GPHN: variants seen among roughly 807,000 people sequenced by gnomAD.
GPHN encodes the protein gephyrin.
Under a neutral mutation model 95.5 loss-of-function variants are expected in GPHN, and 17 were observed. That is an observed-to-expected ratio of 0.18 (90% CI 0.12 to 0.27). The LOEUF (loss-of-function observed/expected upper bound fraction) is 0.27, where lower values mean the gene tolerates loss of function less well. Among genes scored for constraint, GPHN ranks in the 10% least tolerant of loss-of-function variants. The pLI is 1.00. For missense variants in GPHN, 660 were observed against 978.1 expected, an observed-to-expected ratio of 0.67 and a Z score of 4.34; for synonymous variants, 320 against 322.5, an observed-to-expected ratio of 0.99 and a Z score of 0.08.
At chr14:66,943,753 A>G (rs2067566874) in intron 8 of GPHN, among the ~76,000 whole-genome samples, 1 of 152,196 alleles carries the variant, frequency 6.6e-6, no homozygotes, top group African/African-American at 2.4e-5. Context: ...CAACACATAT[A>G]TAACTAAACA....
the GPHN span, chr14:67,563,019 C>A: frequency 1.0e-6 from 1 of 972,622 alleles, no homozygotes; most frequent in Non-Finnish European, 1.5e-6. Context: ...CCCTGGCAGG[C>A]AGGTACCATG....
the GPHN span, among the ~76,000 whole-genome samples, chr14:67,431,834 G>A: frequency 1.3e-5 from 2 of 152,220 alleles, no homozygotes; most frequent in African/African-American, 4.8e-5. Context: ...GGCAGTCAGT[G>A]CCCATACTCT....
the GPHN span, among the ~76,000 whole-genome samples, chr14:67,608,681 A>G: frequency 2.6e-5 from 4 of 152,198 alleles, no homozygotes; most frequent in Admixed American, 6.5e-5. Context: ...GAAACCTCAG[A>G]AATTTATTTG....
chr14:67,001,371 GTTATAATGTCATA>G (rs1244768152), intron 9 of GPHN, among the ~76,000 whole-genome samples: 1 of 151,408 alleles, frequency 6.6e-6, no homozygotes, highest in Non-Finnish European at 1.5e-5. Flanking sequence ...AATATGATAT[GTTATAATGTCATA>G]TTATAATGTG....
chr14:67,684,567 G>A, the GPHN span: 1 of 152,052 alleles, frequency 6.6e-6, no homozygotes, highest in Non-Finnish European at 1.5e-5. Context: ...GAGGACAATA[G>A]AGAAATGCAG....
At chr14:66,711,613 AC>A (rs2069637714) in intron 2 of GPHN, among the ~76,000 whole-genome samples, 1 of 138,680 alleles carries the variant, frequency 7.2e-6, no homozygotes, top group African/African-American at 2.7e-5. Flanking sequence ...TTTAAATTAT[AC>A]TTTAAGTTCT....
rs140074586 is a variant in GPHN at position 67,084,064 on chromosome 14, G to C, written c.1145-4919G>C. Among the ~76,000 whole-genome samples the C allele has an allele frequency of 3.9e-3, 600 of 152,216 alleles. 1 individual carries two copies. The highest frequency in any genetic ancestry group is 6.4e-3 in the Non-Finnish European group (435 of 68,004). On this transcript the variant is annotated intron_variant, in intron 11 of 22. Coordinates refer to ENST00000478722, the MANE Select transcript of GPHN (RefSeq NM_020806.5). The stretch of plus-strand genomic sequence containing the variant: ...GTTACAAAGATGAATGATATATACT[G>C]TGACAACAAAGAATTCAAAGCCTGA...
chr14:66,723,869 TAGGA>T (rs1171194349), intron 2 of GPHN, among the ~76,000 whole-genome samples: 5 of 152,102 alleles, frequency 3.3e-5, no homozygotes, highest in African/African-American at 1.2e-4. Flanking sequence ...TTGAGAGTTT[TAGGA>T]ATACCTAGTT....
chr14:67,127,974 C>T (rs2153695513), intron 17 of GPHN, among the ~76,000 whole-genome samples: 1 of 152,316 alleles, frequency 6.6e-6, no homozygotes, highest in East Asian at 1.9e-4. Flanking sequence ...CTCTTTACCA[C>T]AATTTTATAT....
chr14:66,537,714 A>G (rs2059193404), intron 1 of GPHN, among the ~76,000 whole-genome samples: 1 of 152,048 alleles, frequency 6.6e-6, no homozygotes. Flanking sequence ...AATTCCTTTA[A>G]TATTTCTTGT....
chr14:66,614,491 T>A (rs796975430), intron 1 of GPHN, among the ~76,000 whole-genome samples: 30 of 152,154 alleles, frequency 2.0e-4, no homozygotes, highest in African/African-American at 6.7e-4. Flanking sequence ...CTTATTGTAA[T>A]AGATTATATA....
the GPHN span, among the ~76,000 whole-genome samples, chr14:67,548,864 C>T: frequency 2.0e-5 from 3 of 152,268 alleles, no homozygotes; most frequent in East Asian, 5.8e-4. Flanking sequence ...TGGAGTATAA[C>T]TCAGTTTTTG....
chr14:67,722,995 A>G, the GPHN span, among the ~76,000 whole-genome samples: 27 of 152,286 alleles, frequency 1.8e-4, no homozygotes, highest in South Asian at 4.8e-3. Flanking sequence ...TAGCTCAACA[A>G]ACACCTTAGG....
At chr14:67,325,371 T>G in the GPHN span, among the ~76,000 whole-genome samples, 3 of 152,204 alleles carry the variant, frequency 2.0e-5, no homozygotes, top group Admixed American at 2.0e-4. Flanking sequence ...TAATTCTGGT[T>G]GCTTTGTCTA....
the GPHN span, among the ~76,000 whole-genome samples, chr14:67,702,363 T>C: frequency 6.6e-6 from 1 of 152,164 alleles, no homozygotes; most frequent in East Asian, 1.9e-4. Flanking sequence ...GTTAAATACA[T>C]GGGTATTTTG....
chr14:67,037,140 G>T (rs2153633936), intron 10 of GPHN, among the ~76,000 whole-genome samples: 1 of 152,072 alleles, frequency 6.6e-6, no homozygotes, highest in East Asian at 1.9e-4. Context: ...CGTGTATATG[G>T]TCAAATGATC....
At chr14:67,234,297 A>C in the GPHN span, among the ~76,000 whole-genome samples, 1 of 152,188 alleles carries the variant, frequency 6.6e-6, no homozygotes, top group Non-Finnish European at 1.5e-5. Context: ...GCATACAAAG[A>C]GATAAATAAG....
chr14:67,505,366 C>T, the GPHN span, among the ~76,000 whole-genome samples: 1 of 152,136 alleles, frequency 6.6e-6, no homozygotes, highest in Non-Finnish European at 1.5e-5. Flanking sequence ...ATGTCTGTCC[C>T]CTGCAACTGG....
intron 3 of GPHN, among the ~76,000 whole-genome samples, chr14:66,801,861 T>C (rs1398295446): frequency 6.6e-6 from 1 of 151,782 alleles, no homozygotes; most frequent in Non-Finnish European, 1.5e-5. Flanking sequence ...GGTGGTGGTG[T>C]AGCACAAGCA....
Sources: gnomAD v4.1 joint callset for allele counts (sites outside exome capture counted in the v4.1 genomes callset) on GRCh38, gnomAD v4.1.1 for gene constraint, MANE v1.5 for transcripts, NCBI Gene and HGNC (gene_info 2026-07-23, HGNC 2026-07-21) for gene names.